ANO5: variants seen among roughly 807,000 people sequenced by gnomAD.
ANO5 encodes anoctamin 5.
In ANO5, 109 loss-of-function variants were observed where a neutral mutation model predicts 121.0. The observed-to-expected ratio is 0.90, with a 90% CI of 0.77 to 1.06. ANO5 has a LOEUF of 1.06. Among genes scored for constraint, ANO5 ranks in the 50% least tolerant of loss-of-function variants. ANO5 has a pLI of 0.00. For synonymous variants in ANO5, 406 were observed against 359.9 expected (o/e 1.13, Z -1.45); for missense variants, 1,064 against 1,078.5 (o/e 0.99, Z 0.19).
chr11:22,257,685 G>A lies in ANO5; in HGVS notation c.1338G>A (p.Met446Ile). 6.2e-7 allele frequency: 1 copy of A among 1,610,038 alleles called. No individual in the cohort carries two copies. Among genetic ancestry groups the A allele is most frequent in the Non-Finnish European group, 8.5e-7 (1 of 1,176,556 alleles). The change falls in exon 14 of 22, where the codon ATG (methionine) becomes ATA (isoleucine). Residue 446 changes from methionine to isoleucine, a missense_variant. Coordinates refer to ENST00000324559, the MANE Select transcript of ANO5 (RefSeq NM_213599.3). ...TGATTTCTTCAATATTACAGGAGAT[G>A]GAACCTTACATGCCTCTATACACGC... ...HRKLNAVTKE[M>I]EPYMPLYTRI...
In ANO5 at chr11:22,251,009, G is replaced by A. The variant is rs1176480523; in HGVS notation, c.1178G>A (p.Trp393Ter). Residue 393 changes from tryptophan to a stop codon, truncating the protein, a stop_gained and splice_region_variant, in exon 12 of 22, where the codon TGG becomes TAG. Transcript: ENST00000324559. LOFTEE classifies it high-confidence loss of function. ...TTCTTTGCAATATTCATGGGAATTT[G>A]GGGTGAGTAAATAGTCCCATAAAGA... ...TVFFAIFMGI[W>*]VTLFLEFWKQ... is the part of the protein sequence containing the mutation. The A allele has an allele frequency of 3.1e-6, 5 of 1,609,926 alleles. No individual in the cohort carries two copies. In the East Asian group the frequency reaches 8.9e-5, roughly 29 times the overall value.
intron 3 of ANO5, among the ~76,000 whole-genome samples, chr11:22,213,889 GTT>G (rs1491475678): frequency 0.015 from 1,922 of 126,716 alleles, 47 homozygotes; most frequent in African/African-American, 0.058. Context: ...GTGGTGTTTT[GTT>G]TTTTGTTTTG....
At chr11:22,217,407 G>A (rs1852480718) in intron 3 of ANO5, among the ~76,000 whole-genome samples, 1 of 150,700 alleles carries the variant, frequency 6.6e-6, no homozygotes, top group Non-Finnish European at 1.5e-5. Flanking sequence ...GACTTTTTAT[G>A]TATTCTATTA....
chr11:22,270,468 C>T (rs201031041), intron 18 of ANO5, 26 bp downstream of exon 18: 581 of 1,613,304 alleles, frequency 3.6e-4, no homozygotes, highest in Non-Finnish European at 4.4e-4. Flanking sequence ...TGTTTTGAAA[C>T]ATAGAGTTGG....
chr11:22,277,342 G>A (rs1387102347), intron 21 of ANO5, among the ~76,000 whole-genome samples: 2 of 151,490 alleles, frequency 1.3e-5, no homozygotes, highest in Non-Finnish European at 3.0e-5. Flanking sequence ...ATCTAATTCT[G>A]CCTTTATTAT....
intron 7 of ANO5, among the ~76,000 whole-genome samples, chr11:22,230,745 C>A (rs1334074648): frequency 2.0e-5 from 3 of 151,798 alleles, no homozygotes; most frequent in Non-Finnish European, 4.4e-5. Flanking sequence ...ATCCCTTTTC[C>A]CATGAACAGC....
rs571188815 is a variant in ANO5, at chr11:22,225,499, G to C, written c.295-485G>C. ...AACAAATGAAGAACTAAGCACCCAA[G>C]TGGTTATTTTCAGTAATGACCTATA... is the stretch of plus-strand genomic sequence containing the variant. On this transcript the variant is annotated intron_variant, in intron 5 of 21. Transcript: ENST00000324559. 2.0e-5 allele frequency among the ~76,000 whole-genome samples: 3 copies of C among 152,142 alleles called. No homozygotes were observed. The East Asian group carries it at 5.8e-4, about 29-fold the overall frequency.
chr11:22,217,522 C>A (rs1852488038), intron 3 of ANO5, among the ~76,000 whole-genome samples: 2 of 151,466 alleles, frequency 1.3e-5, no homozygotes, highest in Admixed American at 1.3e-4. Context: ...CTGATATATA[C>A]AGGCATACTT....
chr11:22,215,054 A>G (rs2133566159), intron 3 of ANO5, among the ~76,000 whole-genome samples: 1 of 152,154 alleles, frequency 6.6e-6, no homozygotes, highest in Middle Eastern at 3.4e-3. Flanking sequence ...TATGCTTAAG[A>G]GAACCTATCT....
At chr11:22,202,769 C>T (rs1180279456) in intron 1 of ANO5, among the ~76,000 whole-genome samples, 1 of 152,156 alleles carries the variant, frequency 6.6e-6, no homozygotes, top group East Asian at 1.9e-4. Flanking sequence ...TTTGTAGACA[C>T]ATCATTCTGA....
rs550422627 is a variant in ANO5 at position 22,262,072 on chromosome 11, C to G, written c.1631-57C>G. On this transcript the variant is annotated intron_variant, in intron 15 of 21. Coordinates refer to ENST00000324559, the MANE Select transcript of ANO5 (RefSeq NM_213599.3). ...AGATGTTCACTTGTCCTAGGGAGTA[C>G]GAAGTTCAAGGAAAAAAATAAGAAG... is the stretch of plus-strand genomic sequence containing the variant. 6.0e-5 allele frequency: 93 copies of G among 1,557,112 alleles called. No individual in the cohort carries two copies. In the Middle Eastern group the frequency reaches 6.6e-4, roughly 11 times the overall value.
rs1853353365 is a variant in ANO5 at position 22,239,550 on chromosome 11, T to C, written c.763-19T>C. 3 of 1,554,062 alleles carry C rather than the reference T, an allele frequency of 1.9e-6. No individual in the cohort carries two copies. Among genetic ancestry groups the C allele is most frequent in the East Asian group, 2.2e-5 (1 of 44,482 alleles). The stretch of plus-strand genomic sequence containing the variant: ...CTTTTGCTTCGTCTTTTATGTACCC[T>C]CCTCTTGAATATCTGCAGGGCCAAT... On this transcript the variant is annotated intron_variant, in intron 8 of 21. Transcript: ENST00000324559.
At position 22,250,380 on chromosome 11, in the gene ANO5, A is replaced by G. The variant is rs752751140; in HGVS notation, c.1013+9A>G. On this transcript the variant is annotated intron_variant, in intron 10 of 21. Transcript: ENST00000324559. ...GAACATAACACAAGCAGGTAAGTGC[A>G]CCTGAGTTGCCCAGATAGAGAAAAC... The G allele has an allele frequency of 6.2e-7, 1 of 1,613,432 alleles. No homozygotes were observed. Among genetic ancestry groups the G allele is most frequent in the South Asian group, 1.1e-5 (1 of 91,042 alleles).
intron 9 of ANO5, among the ~76,000 whole-genome samples, chr11:22,249,742 AC>A (rs1351888673): frequency 6.6e-6 from 1 of 152,092 alleles, no homozygotes; most frequent in Admixed American, 6.6e-5. Flanking sequence ...CAAGATTCAA[AC>A]TTGGAGAAAG....
intron 9 of ANO5, among the ~76,000 whole-genome samples, chr11:22,248,981 G>A (rs1853710239): frequency 6.6e-6 from 1 of 151,740 alleles, no homozygotes; most frequent in African/African-American, 2.4e-5. Context: ...ACATTTTTCA[G>A]AAAAAAACTG....
intron 21 of ANO5, chr11:22,277,778 C>A (rs547250340): frequency 1.3e-5 from 2 of 151,356 alleles, no homozygotes; most frequent in South Asian, 4.1e-4. Context: ...TTTTTGTAAT[C>A]ATTGCAGGCT....
chr11:22,220,700 G>A lies in ANO5; in HGVS notation c.181-397G>A, dbSNP rs140530894. Among the ~76,000 whole-genome samples, 52 of 152,068 alleles carry A rather than the reference G, an allele frequency of 3.4e-4. No individual in the cohort carries two copies. The East Asian group carries it at 9.7e-3, about 28-fold the overall frequency. ...TCATAAGTTTATTTTCTTATAGTGA[G>A]ACTCCATTAATTGGTCTGTAATTAA... is the stretch of plus-strand genomic sequence containing the variant. On this transcript the variant is annotated intron_variant, in intron 4 of 21. Coordinates refer to ENST00000324559, the MANE Select transcript of ANO5 (RefSeq NM_213599.3).
Position 22,279,638 on chromosome 11 carries a change from C to CTA in ANO5, c.2617_2618dup (p.Lys874SerfsTer12). ...AGAATCAAGAGAGAAAAGTTAATGA[C>CTA]TATCAAGATTCTCCATGATTTTGAG... On this transcript the variant is annotated frameshift_variant, in exon 22 of 22. Coordinates refer to ENST00000324559, the MANE Select transcript of ANO5 (RefSeq NM_213599.3). LOFTEE classifies it low-confidence loss of function (END_TRUNC). 6.2e-7 allele frequency: 1 copy of CTA among 1,612,718 alleles called. No individual in the cohort carries two copies. The highest frequency in any genetic ancestry group is 2.2e-5 in the East Asian group (1 of 44,840).
At chr11:22,196,643 G>A (rs1235719120) in intron 1 of ANO5, among the ~76,000 whole-genome samples, 1 of 152,098 alleles carries the variant, frequency 6.6e-6, no homozygotes, top group East Asian at 1.9e-4. Context: ...GGCCGAGGCA[G>A]GTGGATCATT....
Sources: allele counts gnomAD v4.1 joint callset (sites outside exome capture counted in the v4.1 genomes callset), GRCh38; gene constraint gnomAD v4.1.1; transcripts MANE v1.5; gene names NCBI Gene and HGNC (gene_info 2026-07-23, HGNC 2026-07-21).